Variants in ADARB2 observed in about 807,000 individuals in gnomAD.
ADARB2 encodes the protein adenosine deaminase RNA specific B2 (inactive), also known as inactive double-stranded RNA-specific editase B2.
In ADARB2, 25 loss-of-function variants were observed where a neutral mutation model predicts 62.2. That is an observed-to-expected ratio of 0.40 (90% CI 0.29 to 0.56). ADARB2 has a LOEUF of 0.56. ADARB2 is among the 20% of genes least tolerant of loss of function. The pLI, the probability that ADARB2 is intolerant of heterozygous loss-of-function variation, is 0.43. For missense variants in ADARB2, 1,071 were observed against 1,077.4 expected, an observed-to-expected ratio of 0.99 and a Z score of 0.08; for synonymous variants, 572 against 500.8, an observed-to-expected ratio of 1.14 and a Z score of -1.90.
chr10:1,479,070 G>A (rs1831437488), intron 1 of ADARB2, among the ~76,000 whole-genome samples: 2 of 152,196 alleles, frequency 1.3e-5, no homozygotes, highest in Non-Finnish European at 2.9e-5. Flanking sequence ...GTCTTGGGCA[G>A]GGGCAGCATA....
chr10:1,470,983 C>T (rs867849719), intron 1 of ADARB2, among the ~76,000 whole-genome samples: 46 of 152,054 alleles, frequency 3.0e-4, no homozygotes, highest in Admixed American at 1.2e-3. Context: ...GGCGTGAACC[C>T]GGGAGGCGGA....
At chr10:1,421,307 A>T (rs565576666) in intron 1 of ADARB2, among the ~76,000 whole-genome samples, 1 of 151,852 alleles carries the variant, frequency 6.6e-6, no homozygotes, top group Admixed American at 6.6e-5. Flanking sequence ...TGCAGGACCT[A>T]ACCCCACCCA....
At chr10:1,386,608 TATA>T (rs1403534946) in intron 1 of ADARB2, among the ~76,000 whole-genome samples, 1 of 152,000 alleles carries the variant, frequency 6.6e-6, no homozygotes, top group East Asian at 1.9e-4. Flanking sequence ...ATCAAGATAA[TATA>T]ATACTTGTTG....
intron 1 of ADARB2, among the ~76,000 whole-genome samples, chr10:1,575,122 T>C (rs1240173048): frequency 6.6e-6 from 1 of 152,226 alleles, no homozygotes; most frequent in African/African-American, 2.4e-5. Flanking sequence ...AGATTATTGA[T>C]GGACCAGAAT....
chr10:1,483,327 C>A (rs12251152), intron 1 of ADARB2, among the ~76,000 whole-genome samples: 3,795 of 152,272 alleles, frequency 0.025, 137 homozygotes, highest in African/African-American at 0.084. Context: ...ACGTGAGCTC[C>A]AGGTCTTTTG....
chr10:1,184,977 C>T lies in ADARB2; in HGVS notation c.1927G>A (p.Val643Met), dbSNP rs570530473. The T allele has an allele frequency of 8.9e-5, 144 of 1,613,802 alleles. No homozygotes were observed. The East Asian group carries it at 1.0e-3, about 12-fold the overall frequency. Reference sequence around the variant, plus strand: ...ATAATCTCCAGGTCCGCGCTGCCCACGACCCAGTTCATGCTGAAGGGGGGC... The same window carrying T: ...ATAATCTCCAGGTCCGCGCTGCCCATGACCCAGTTCATGCTGAAGGGGGGC... Reference protein sequence around the residue: ...KSPPFSMNWVVGSADLEIINA... With the variant: ...KSPPFSMNWVMGSADLEIINA... The change falls in exon 9 of 10, where the codon GTG (valine) becomes ATG (methionine). Residue 643 changes from valine to methionine, a missense_variant. Physicochemically the swap from Val to Met is conservative, Grantham distance 21. Coordinates refer to ENST00000381312, the MANE Select transcript of ADARB2 (RefSeq NM_018702.4).
At chr10:1,227,832 C>G (rs1036132494) in intron 6 of ADARB2, among the ~76,000 whole-genome samples, 3 of 152,066 alleles carry the variant, frequency 2.0e-5, no homozygotes, top group African/African-American at 7.2e-5. Context: ...AAGGCATATC[C>G]CAGAAAGTCT....
intron 1 of ADARB2, among the ~76,000 whole-genome samples, chr10:1,411,510 G>T (rs568993469): frequency 6.6e-6 from 1 of 152,216 alleles, no homozygotes; most frequent in Non-Finnish European, 1.5e-5. Flanking sequence ...AACCCAAAGC[G>T]GGAATTTGAA....
chr10:1,601,714 T>G (rs913092795), intron 1 of ADARB2, among the ~76,000 whole-genome samples: 1 of 152,316 alleles, frequency 6.6e-6, no homozygotes, highest in East Asian at 1.9e-4. Context: ...GACAGCCACC[T>G]GCTCCCCCGA....
chr10:1,306,136 A>G (rs1471419382), intron 3 of ADARB2, among the ~76,000 whole-genome samples: 2 of 150,498 alleles, frequency 1.3e-5, no homozygotes, highest in African/African-American at 4.8e-5. Flanking sequence ...TTTGCAGATG[A>G]CATGATTGTA....
At chr10:1,499,653 A>G (rs887647296) in intron 1 of ADARB2, among the ~76,000 whole-genome samples, 1 of 150,072 alleles carries the variant, frequency 6.7e-6, no homozygotes, top group African/African-American at 2.5e-5. Flanking sequence ...CCCACCACTC[A>G]CTCATTACTC....
At chr10:1,449,121 G>T (rs59582957) in intron 1 of ADARB2, among the ~76,000 whole-genome samples, 12,681 of 152,206 alleles carry the variant, frequency 0.083, 732 homozygotes, top group East Asian at 0.22. Context: ...CATGAGTCTG[G>T]ATGAGACCAG....
intron 2 of ADARB2, among the ~76,000 whole-genome samples, chr10:1,372,661 A>C (rs1047091664): frequency 6.6e-6 from 1 of 152,184 alleles, no homozygotes; most frequent in African/African-American, 2.4e-5. Flanking sequence ...CATTATAAAA[A>C]TGATGTGATT....
At position 1,186,361 on chromosome 10, in the gene ADARB2, C is replaced by T. The variant is rs1022004628; in HGVS notation, c.1865-1322G>A. On this transcript the variant is annotated intron_variant, in intron 8 of 9. Coordinates refer to ENST00000381312, the MANE Select transcript of ADARB2 (RefSeq NM_018702.4). ...AGAGTCTCATAGGAAGATGCATGGT[C>T]CACACAACAGTGAGTCGGCAGGGAG... 11 of 421,834 alleles carry T rather than the reference C, an allele frequency of 2.6e-5. No homozygotes were observed. The East Asian group carries it at 6.4e-4, about 24-fold the overall frequency. 26.1% of individuals were successfully genotyped at this position (421,834 alleles called of 1,614,324 possible).
chr10:1,201,018 C>T (rs1836978716), intron 7 of ADARB2, among the ~76,000 whole-genome samples: 1 of 152,202 alleles, frequency 6.6e-6, no homozygotes, highest in Admixed American at 6.5e-5. Context: ...AGTCAATTAA[C>T]ACAGGATTCT....
At chr10:1,286,015 G>T (rs764278599) in intron 3 of ADARB2, among the ~76,000 whole-genome samples, 1 of 147,698 alleles carries the variant, frequency 6.8e-6, no homozygotes, top group Non-Finnish European at 1.5e-5. Flanking sequence ...ATCCAGGACC[G>T]TTGCCCCGAG....
chr10:1,705,513 T>G (rs558709137), intron 1 of ADARB2, among the ~76,000 whole-genome samples: 1 of 152,300 alleles, frequency 6.6e-6, no homozygotes, highest in Admixed American at 6.5e-5. Flanking sequence ...TCTCAGGATG[T>G]TAGGCAGGCA....
At chr10:1,289,092 C>T (rs1170404626) in intron 3 of ADARB2, among the ~76,000 whole-genome samples, 2 of 152,184 alleles carry the variant, frequency 1.3e-5, no homozygotes, top group Non-Finnish European at 2.9e-5. Flanking sequence ...TCTGTTCCCT[C>T]CAAAGCCTGC....
At chr10:1,265,560 C>T (rs1245443450) in intron 4 of ADARB2, among the ~76,000 whole-genome samples, 1 of 148,162 alleles carries the variant, frequency 6.7e-6, no homozygotes. Context: ...CCAGGCTCTC[C>T]CGGAAGACGG....
Sources: allele counts gnomAD v4.1 joint callset (sites outside exome capture counted in the v4.1 genomes callset), GRCh38; gene constraint gnomAD v4.1.1; transcripts MANE v1.5; gene names NCBI Gene and HGNC (gene_info 2026-07-23, HGNC 2026-07-21).